The following PTPN22 variants were observed in gnomAD, a reference collection of about 807,000 sequenced individuals.
PTPN22 encodes tyrosine-protein phosphatase non-receptor type 22.
PTPN22 carries 85 observed loss-of-function variants against 103.3 expected under a neutral mutation model. That is an observed-to-expected ratio of 0.82 (90% CI 0.69 to 0.99). The LOEUF (loss-of-function observed/expected upper bound fraction) is 0.99. Among genes scored for constraint, PTPN22 ranks in the 50% least tolerant of loss-of-function variants. The probability of loss-of-function intolerance (pLI) is 0.00; values close to 1 mark genes in which losing one functional copy is unlikely to be tolerated. For synonymous variants in PTPN22, 323 were observed against 310.2 expected, an observed-to-expected ratio of 1.04 and a Z score of -0.43; for missense variants, 865 against 936.9, an observed-to-expected ratio of 0.92 and a Z score of 1.00.
intron 19 of PTPN22, among the ~76,000 whole-genome samples, 176 bp downstream of exon 19, chr1:113,824,966 C>CAAAAAAA (rs35424386): frequency 3.1e-5 from 2 of 65,144 alleles, no homozygotes; most frequent in African/African-American, 5.9e-5. Flanking sequence ...TGAAGCCTAG[C>CAAAAAAA]AAAAAAAAAA....
At chr1:113,826,179 C>T (rs980834945) in intron 18 of PTPN22, among the ~76,000 whole-genome samples, 5 of 151,938 alleles carry the variant, frequency 3.3e-5, no homozygotes, top group Admixed American at 2.0e-4. Context: ...AGACCCCATC[C>T]CTACCAAAAA....
In PTPN22 at chr1:113,856,541, C is replaced by T. The variant is rs74163645; in HGVS notation, c.480+7G>A. On this transcript the variant is annotated splice_region_variant and intron_variant, in intron 6 of 20. Coordinates refer to ENST00000359785, the Ensembl canonical transcript of PTPN22. Reference sequence around the variant, plus strand: ...TACTCAGACATGAGAACAGACATTACACTTACACAGGATACAGAGAAAGGG... The same window carrying T: ...TACTCAGACATGAGAACAGACATTATACTTACACAGGATACAGAGAAAGGG... 147 of 1,614,040 alleles carry T rather than the reference C, an allele frequency of 9.1e-5. No individual in the cohort carries two copies. Among genetic ancestry groups the T allele is most frequent in the Middle Eastern group, 1.6e-4 (1 of 6,084 alleles).
intron 11 of PTPN22, among the ~76,000 whole-genome samples, chr1:113,847,118 C>G (rs1185700362): frequency 7.4e-6 from 1 of 135,768 alleles, no homozygotes; most frequent in African/African-American, 2.8e-5. Context: ...TTCATTAATT[C>G]TTTTTTCCGT....
chr1:113,866,460 G>A (rs1354243277), intron 1 of PTPN22, among the ~76,000 whole-genome samples: 4 of 151,930 alleles, frequency 2.6e-5, no homozygotes, highest in African/African-American at 7.3e-5. Context: ...GCAGTGAGCC[G>A]AGATCATGCC....
chr1:113,844,685 A>C (rs1361443398), intron 11 of PTPN22, among the ~76,000 whole-genome samples: 1 of 152,098 alleles, frequency 6.6e-6, no homozygotes, highest in Non-Finnish European at 1.5e-5. Context: ...TTTTTGTTTA[A>C]TTCAGTGTGT....
intron 1 of PTPN22, chr1:113,864,160 G>A (rs1665901784): frequency 2.5e-6 from 1 of 402,344 alleles, no homozygotes; most frequent in Non-Finnish European, 4.9e-6. Flanking sequence ...TGTGGTAAGT[G>A]CTATGAAAAA....
chr1:113,827,531 G>A (rs2101910577), intron 18 of PTPN22, among the ~76,000 whole-genome samples: 1 of 152,020 alleles, frequency 6.6e-6, no homozygotes, highest in South Asian at 2.1e-4. Context: ...CCATTTGTAT[G>A]GATATAACAT....
Position 113,856,504 on chromosome 1 carries a change from C to A in PTPN22, c.480+44G>T. The A allele has an allele frequency of 4.3e-6, 7 of 1,614,066 alleles. No homozygotes were observed. In the South Asian group the frequency reaches 4.4e-5, roughly 10 times the overall value. On this transcript the variant is annotated intron_variant, in intron 6 of 20. Coordinates refer to ENST00000359785, the Ensembl canonical transcript of PTPN22. ...AAAGACAAGCTCTCTATAAGGTAGACCCTGGAGGCTTTACTCAGACATGAG... is the reference window on the plus strand; with the variant it reads ...AAAGACAAGCTCTCTATAAGGTAGAACCTGGAGGCTTTACTCAGACATGAG...
intron 18 of PTPN22, among the ~76,000 whole-genome samples, chr1:113,828,699 G>A (rs1000259686): frequency 6.6e-6 from 1 of 152,086 alleles, no homozygotes; most frequent in African/African-American, 2.4e-5. Context: ...CTGGAGTACA[G>A]TGGCATAATC....
intron 11 of PTPN22, among the ~76,000 whole-genome samples, chr1:113,846,808 T>C (rs373242835): frequency 2.0e-5 from 3 of 152,286 alleles, no homozygotes; most frequent in East Asian, 1.9e-4. Flanking sequence ...TGATTCCTAA[T>C]GCAAAATCTG....
At chr1:113,832,813 G>A (rs1172107776) in intron 16 of PTPN22, 1 of 277,162 alleles carries the variant, frequency 3.6e-6, no homozygotes, top group South Asian at 4.2e-5. Context: ...GAATCACACT[G>A]TTAACAGTGG....
chr1:113,845,920 T>C (rs1351620838), intron 11 of PTPN22, among the ~76,000 whole-genome samples: 1 of 152,248 alleles, frequency 6.6e-6, no homozygotes, highest in Admixed American at 6.5e-5. Flanking sequence ...GTCTACTTTA[T>C]CTGATATTAA....
At chr1:113,821,446 C>T (rs1245729528) in intron 19 of PTPN22, among the ~76,000 whole-genome samples, 5 of 152,080 alleles carry the variant, frequency 3.3e-5, no homozygotes, top group African/African-American at 1.2e-4. Context: ...CTCAGCCTCC[C>T]GAGGACCTGG....
At chr1:113,844,580 A>G (rs1571404994) in intron 11 of PTPN22, among the ~76,000 whole-genome samples, 2 of 152,256 alleles carry the variant, frequency 1.3e-5, no homozygotes, top group South Asian at 4.1e-4. Context: ...ATTGAGACCT[A>G]TACTGTTTTC....
intron 20 of PTPN22, among the ~76,000 whole-genome samples, chr1:113,819,065 T>C (rs945563669): frequency 6.6e-6 from 1 of 152,218 alleles, no homozygotes; most frequent in African/African-American, 2.4e-5. Flanking sequence ...CATAAATATG[T>C]ATCACATAGG....
intron 1 of PTPN22, among the ~76,000 whole-genome samples, chr1:113,864,821 A>G (rs1665974446): frequency 6.6e-6 from 1 of 152,042 alleles, no homozygotes; most frequent in Non-Finnish European, 1.5e-5. Flanking sequence ...CTGAGGCAGG[A>G]GAATAACTTG....
chr1:113,850,465 T>C (rs2102055615), intron 10 of PTPN22, among the ~76,000 whole-genome samples: 1 of 152,362 alleles, frequency 6.6e-6, no homozygotes, highest in Non-Finnish European at 1.5e-5. Context: ...AAATTCGTTT[T>C]TGAAATGGGG....
chr1:113,826,915 C>T (rs1009212211), intron 18 of PTPN22, among the ~76,000 whole-genome samples: 13 of 151,790 alleles, frequency 8.6e-5, no homozygotes, highest in Admixed American at 3.3e-4. Flanking sequence ...GTGATCCGCC[C>T]GCCTCGGCCT....
Position 113,838,536 on chromosome 1 carries a change from G to A in PTPN22, c.992+8C>T, listed in dbSNP as rs376890302. On this transcript the variant is annotated splice_region_variant and intron_variant, in intron 12 of 20. Transcript: ENST00000359785. ...AGTCAACATTTAGATATATAAAATT[G>A]TACTCACCTTTTTGGTAAATTAGGA... 3.7e-5 allele frequency: 59 copies of A among 1,611,646 alleles called. No individual in the cohort carries two copies. The highest frequency in any genetic ancestry group is 1.8e-4 in the Admixed American group (11 of 59,486).
Sources: gnomAD v4.1 joint callset for allele counts (sites outside exome capture counted in the v4.1 genomes callset) on GRCh38, gnomAD v4.1.1 for gene constraint, MANE v1.5 for transcripts, NCBI Gene and HGNC (gene_info 2026-07-23, HGNC 2026-07-21) for gene names.